Variants in GGT5 observed in about 807,000 individuals in gnomAD.
GGT5 encodes the protein glutathione hydrolase 5 proenzyme.
In GGT5, 50 loss-of-function variants were observed where a neutral mutation model predicts 58.1. That is an observed-to-expected ratio of 0.86 (90% CI 0.69 to 1.09). GGT5 has a LOEUF of 1.09. GGT5 is among the 50% of genes least tolerant of loss of function. GGT5 has a pLI of 0.00. For synonymous variants in GGT5, 370 were observed against 346.1 expected (o/e 1.07, Z -0.77); for missense variants, 800 against 789.4 (o/e 1.01, Z -0.16).
chr22:24,238,710 A>G (rs1396575893), intron 1 of GGT5, among the ~76,000 whole-genome samples: 1 of 111,488 alleles, frequency 9.0e-6, no homozygotes, highest in Non-Finnish European at 1.7e-5. Flanking sequence ...TCTCAAAAAA[A>G]AAAAAAAAGT....
intron 6 of GGT5, among the ~76,000 whole-genome samples, chr22:24,230,507 G>A (rs1037109157): frequency 2.6e-5 from 4 of 152,052 alleles, no homozygotes; most frequent in Non-Finnish European, 5.9e-5. Flanking sequence ...GCAATGAACC[G>A]AGATTGTGCC....
At chr22:24,239,656 A>G (rs954754860) in intron 1 of GGT5, among the ~76,000 whole-genome samples, 1 of 152,094 alleles carries the variant, frequency 6.6e-6, no homozygotes, top group African/African-American at 2.4e-5. Flanking sequence ...GAATAAAAAC[A>G]CAAAAAACAC....
In GGT5 at chr22:24,226,682, G is replaced by A. The variant is rs535063619; in HGVS notation, c.987C>T (p.Ala329=). 18 of 1,614,046 alleles carry A rather than the reference G, an allele frequency of 1.1e-5. No individual in the cohort carries two copies. Among genetic ancestry groups the A allele is most frequent in the African/African-American group, 6.7e-5 (5 of 75,034 alleles). The change falls in exon 7 of 12, where the codon GCC becomes GCT. Residue 329 remains alanine, a synonymous_variant. Coordinates refer to ENST00000327365, the MANE Select transcript of GGT5 (RefSeq NM_004121.5). ...CCCCCAGCCTCCACCTCTGCCCCTT[G>A]GCAAACTTGAGCGTCTCTACAAGGT... ...YHHLVETLKF[A]KGQRWRLGDP...
At chr22:24,233,095 C>A in intron 3 of GGT5, 77 bp from the exon 4 acceptor site, 2 of 1,114,042 alleles carry the variant, frequency 1.8e-6, no homozygotes, top group South Asian at 1.8e-5. Context: ...ACATGTGGCC[C>A]CCCAGTTACA....
intron 1 of GGT5, among the ~76,000 whole-genome samples, chr22:24,239,211 T>C (rs1383475593): frequency 4.3e-4 from 65 of 150,208 alleles, no homozygotes; most frequent in African/African-American, 1.5e-3. Flanking sequence ...TGGTGGCGGG[T>C]GACTGTAGTC....
Position 24,220,933 on chromosome 22 carries a change from C to T in GGT5, c.1615-817G>A, listed in dbSNP as rs528724602. On this transcript the variant is annotated intron_variant, in intron 11 of 11. Transcript: ENST00000327365. ...ATGTGGTGGCCCTGTGCTTATAGTC[C>T]CAGCTACTCAGGAGGCTGAAGCAGG... Among the ~76,000 whole-genome samples, 10 of 151,706 alleles carry T rather than the reference C, an allele frequency of 6.6e-5. No homozygotes were observed. The South Asian group carries it at 1.9e-3, about 29-fold the overall frequency.
At chr22:24,237,385 C>T (rs1324420429) in intron 1 of GGT5, among the ~76,000 whole-genome samples, 2 of 150,716 alleles carry the variant, frequency 1.3e-5, no homozygotes, top group South Asian at 4.2e-4. Context: ...ATTTCAGATC[C>T]CTAGGCCTCA....
chr22:24,241,292 G>T (rs2048322014), intron 1 of GGT5: 1 of 152,126 alleles, frequency 6.6e-6, no homozygotes, highest in South Asian at 2.1e-4. Context: ...TTAGGAATTG[G>T]CTCACATGAT....
intron 1 of GGT5, among the ~76,000 whole-genome samples, chr22:24,240,427 A>G (rs530465824): frequency 6.6e-6 from 1 of 152,236 alleles, no homozygotes; most frequent in African/African-American, 2.4e-5. Flanking sequence ...TTATGTAAGG[A>G]TACAGAAAGG....
chr22:24,238,792 TATTTATATATATATA>T (rs1458295743), intron 1 of GGT5, among the ~76,000 whole-genome samples: 6 of 11,350 alleles, frequency 5.3e-4, no homozygotes, highest in Non-Finnish European at 8.0e-4. Context: ...ATATATTATA[TATTTATATATATATA>T]ATATATTATA....
At chr22:24,226,446 A>G (rs539814040) in intron 7 of GGT5, among the ~76,000 whole-genome samples, 180 bp from the exon 8 acceptor site, 5 of 152,234 alleles carry the variant, frequency 3.3e-5, no homozygotes, top group Admixed American at 1.3e-4. Flanking sequence ...CCTTTGAGAT[A>G]TGGTGCCACT....
At chr22:24,233,160 A>G (rs1392391613) in intron 3 of GGT5, 142 bp from the exon 4 acceptor site, 2 of 666,302 alleles carry the variant, frequency 3.0e-6, no homozygotes, top group African/African-American at 3.7e-5. Context: ...TCCCTGCTCA[A>G]ATCACCTGTG....
Position 24,226,237 on chromosome 22 carries a change from G to A in GGT5, c.1068C>T (p.Thr356=), listed in dbSNP as rs761965748. Residue 356 remains threonine (T), a synonymous_variant, in exon 8 of 12, where the codon ACC becomes ACT. Transcript: ENST00000327365. ...TCTGTTGGCGGATGAGCTGGGCCAG[G>A]GTCTCCCCCAGCAGGTCCCGGGAGG... The part of the protein sequence containing the change: ...QNASRDLLGE[T]LAQLIRQQID... 6 of 1,607,104 alleles carry A rather than the reference G, an allele frequency of 3.7e-6. No homozygotes were observed. The highest frequency in any genetic ancestry group is 3.4e-6 in the Non-Finnish European group (4 of 1,178,988).
intron 11 of GGT5, chr22:24,220,612 A>G (rs1210242067): frequency 2.2e-6 from 1 of 453,782 alleles, no homozygotes; most frequent in Non-Finnish European, 4.4e-6. Flanking sequence ...AGAAATAAAA[A>G]AAAGCCAGGC....
intron 1 of GGT5, chr22:24,241,270 A>T (rs1388891598): frequency 6.6e-6 from 1 of 152,188 alleles, no homozygotes; most frequent in Non-Finnish European, 1.5e-5. Flanking sequence ...TAGGTTATAC[A>T]TAGAGATTTA....
intron 6 of GGT5, among the ~76,000 whole-genome samples, chr22:24,229,614 T>C (rs1410723467): frequency 3.3e-5 from 5 of 150,966 alleles, no homozygotes; most frequent in Non-Finnish European, 7.4e-5. Context: ...GGCAGATCAC[T>C]TGAAGTCAGG....
chr22:24,225,709 C>T, intron 8 of GGT5, 57 bp from the exon 9 acceptor site: 1 of 1,024,842 alleles, frequency 9.8e-7, no homozygotes, highest in Non-Finnish European at 1.5e-6. Flanking sequence ...CACCAGACAC[C>T]ACTTACCCTG....
chr22:24,231,611 A>G (rs979139099), intron 5 of GGT5, 81 bp from the exon 6 acceptor site: 40 of 1,363,026 alleles, frequency 2.9e-5, no homozygotes, highest in Admixed American at 2.2e-4. Context: ...AGGTCACACA[A>G]TGGGATTCCA....
intron 11 of GGT5, among the ~76,000 whole-genome samples, chr22:24,223,226 A>G (rs2047653698): frequency 1.3e-5 from 2 of 152,106 alleles, no homozygotes. Context: ...ACATGGGGAA[A>G]CCCCATCTTT....
Sources: allele counts gnomAD v4.1 joint callset (sites outside exome capture counted in the v4.1 genomes callset), GRCh38; gene constraint gnomAD v4.1.1; transcripts MANE v1.5; gene names NCBI Gene and HGNC (gene_info 2026-07-23, HGNC 2026-07-21).